The following IFNAR2 variants were observed in gnomAD, a reference collection of about 807,000 sequenced individuals.
The protein encoded by IFNAR2 is interferon alpha/beta receptor 2.
Under a neutral mutation model 49.4 loss-of-function variants are expected in IFNAR2, and 30 were observed. The ratio of observed to expected loss-of-function variants is 0.61; its 90% CI spans 0.45 to 0.82. The LOEUF (loss-of-function observed/expected upper bound fraction) is 0.82. Among genes scored for constraint, IFNAR2 ranks in the 40% least tolerant of loss-of-function variants. The probability of loss-of-function intolerance (pLI) is 0.00; values close to 1 mark genes in which losing one functional copy is unlikely to be tolerated. For missense variants in IFNAR2, 600 were observed against 622.7 expected, an observed-to-expected ratio of 0.96 and a Z score of 0.39; for synonymous variants, 224 against 234.5, an observed-to-expected ratio of 0.96 and a Z score of 0.41.
chr21:33,246,690 T>G, intron 4 of IFNAR2, 28 bp from the exon 5 acceptor site: 5 of 1,593,946 alleles, frequency 3.1e-6, no homozygotes, highest in Non-Finnish European at 4.3e-6. Context: ...GCTAACAATT[T>G]CCTTTTTCCA....
In IFNAR2 at chr21:33,230,052, A is replaced by G; in HGVS notation, c.-248A>G. ...ACAGTTCCCCGAGCGCAGCCCGCGG[A>G]CCACCACCCGGCCGCACGGGCCGCT... On this transcript the variant is annotated 5_prime_UTR_variant, in exon 1 of 9. Transcript: ENST00000342136. The surrounding 1 kb of genome is among the most constrained non-coding windows in gnomAD (Gnocchi z 5.5). 1.0e-6 allele frequency: 1 copy of G among 985,786 alleles called. No homozygotes were observed. The highest frequency in any genetic ancestry group is 1.2e-6 in the Non-Finnish European group (1 of 830,100). 61.1% of individuals were successfully genotyped at this position (985,786 alleles called of 1,614,324 possible).
rs111661577 is a variant in IFNAR2 at position 33,231,167 on chromosome 21, C to G, written c.-84+951C>G. Among the ~76,000 whole-genome samples, 494 of 152,224 alleles carry G rather than the reference C, an allele frequency of 3.2e-3. 2 individuals are homozygous for G. Among genetic ancestry groups the G allele is most frequent in the African/African-American group, 0.011 (465 of 41,530 alleles). ...CCCAGGGGCTAAGTCCCACTGCTTG[C>G]CAAGGTTTCTCAGTATCCTGTCCAC... On this transcript the variant is annotated intron_variant, in intron 1 of 8. Coordinates refer to ENST00000342136, the MANE Select transcript of IFNAR2 (RefSeq NM_001289125.3).
intron 7 of IFNAR2, among the ~76,000 whole-genome samples, chr21:33,257,843 A>T (rs1988314273): frequency 6.6e-6 from 1 of 152,194 alleles, no homozygotes; most frequent in Non-Finnish European, 1.5e-5. Flanking sequence ...CACCCACAGC[A>T]TCCACCACAG....
chr21:33,244,929 C>G, intron 3 of IFNAR2, 22 bp from the exon 4 acceptor site: 3 of 1,612,416 alleles, frequency 1.9e-6, no homozygotes, highest in Non-Finnish European at 1.7e-6. Flanking sequence ...AATTTCAATG[C>G]CCTTTTTCTT....
At chr21:33,248,649 C>T (rs1295810246) in intron 5 of IFNAR2, 60 bp from the exon 6 acceptor site, 21 of 1,501,222 alleles carry the variant, frequency 1.4e-5, no homozygotes, top group Non-Finnish European at 1.8e-5. Flanking sequence ...CCACTTTAGA[C>T]TTTGTGGGCC....
Position 33,263,374 on chromosome 21 carries a change from G to T in IFNAR2, c.1422G>T (p.Gly474=), listed in dbSNP as rs377350494. 2.2e-4 allele frequency: 351 copies of T among 1,614,050 alleles called. No individual in the cohort carries two copies. The highest frequency in any genetic ancestry group is 2.9e-4 in the Non-Finnish European group (338 of 1,180,032). ...NVQSNHLLAS[G]EGTQPTFPSP... ...AATCAAACCATTTGCTGGCCAGCGG[G>T]GAAGGGACACAGCCAACCTTTCCCA... The change falls in exon 9 of 9, where the codon GGG becomes GGT. Residue 474 remains glycine, a synonymous_variant. Transcript: ENST00000342136.
chr21:33,243,706 A>G lies in IFNAR2; in HGVS notation c.89A>G (p.Asp30Gly). 6.2e-7 allele frequency: 1 copy of G among 1,612,718 alleles called. No homozygotes were observed. Among genetic ancestry groups the G allele is most frequent in the Non-Finnish European group, 8.5e-7 (1 of 1,178,758 alleles). ...YISLVFGISYDSPDYTDESCT... is the reference protein window; with the variant it reads ...YISLVFGISYGSPDYTDESCT... ...AGCCTCGTGTTTGGTATTTCATATGATTCGCCTGGTAAGAGATGTTTTTTG... is the reference window on the plus strand; with the variant it reads ...AGCCTCGTGTTTGGTATTTCATATGGTTCGCCTGGTAAGAGATGTTTTTTG... The change falls in exon 3 of 9, where the codon GAT becomes GGT. Residue 30 changes from aspartate to glycine, a missense_variant. Transcript: ENST00000342136.
chr21:33,260,099 A>G (rs1988463204), intron 7 of IFNAR2, among the ~76,000 whole-genome samples: 1 of 152,180 alleles, frequency 6.6e-6, no homozygotes, highest in South Asian at 2.1e-4. Flanking sequence ...GGGAACTGTT[A>G]ATAGAGCAAG....
Position 33,263,051 on chromosome 21 carries a change from G to A in IFNAR2, c.1099G>A (p.Glu367Lys). ...GTTGATAGACCCGGAGTCCGAGGAG[G>A]AGCCTGACCTGCCTGAGGTTGATGT... is the stretch of plus-strand genomic sequence containing the variant. Reference protein sequence around the residue: ...SQLIDPESEEEPDLPEVDVEL... With the variant: ...SQLIDPESEEKPDLPEVDVEL... Residue 367 changes from glutamate (E) to lysine (K), a missense_variant, in exon 9 of 9, where the codon GAG becomes AAG. Transcript: ENST00000342136. 6.2e-7 allele frequency: 1 copy of A among 1,614,154 alleles called. No individual in the cohort carries two copies.
intron 4 of IFNAR2, among the ~76,000 whole-genome samples, chr21:33,246,480 A>G (rs1042420344): frequency 6.6e-6 from 1 of 152,188 alleles, no homozygotes; most frequent in African/African-American, 2.4e-5. Context: ...TCAGTAAACA[A>G]AGGTATAATG....
chr21:33,242,665 G>A (rs1212011382), intron 2 of IFNAR2, among the ~76,000 whole-genome samples: 21 of 139,546 alleles, frequency 1.5e-4, no homozygotes, highest in Admixed American at 9.8e-4. Context: ...CCTGGGAGGC[G>A]GAGCTTGCAG....
intron 1 of IFNAR2, among the ~76,000 whole-genome samples, chr21:33,240,245 T>C (rs1371152662): frequency 6.6e-6 from 1 of 152,254 alleles, no homozygotes; most frequent in East Asian, 1.9e-4. Flanking sequence ...ATTTCTACTG[T>C]ACCTTTTCTG....
At chr21:33,250,125 A>G (rs1987736778) in intron 6 of IFNAR2, among the ~76,000 whole-genome samples, 1 of 152,210 alleles carries the variant, frequency 6.6e-6, no homozygotes, top group Non-Finnish European at 1.5e-5. Context: ...GTAACAAATT[A>G]TATGATTATT....
intron 1 of IFNAR2, among the ~76,000 whole-genome samples, chr21:33,237,937 T>G (rs1283787743): frequency 1.3e-5 from 2 of 152,146 alleles, no homozygotes; most frequent in Non-Finnish European, 2.9e-5. Context: ...ATAAAGCAGA[T>G]AAGCCATAGG....
Position 33,229,968 on chromosome 21 carries a change from C to T in IFNAR2, c.-332C>T, listed in dbSNP as rs539295159. On this transcript the variant is annotated 5_prime_UTR_variant, in exon 1 of 9. Transcript: ENST00000342136. ...GCTCCTCGTAGGCCGGGGCTCGGCG[C>T]GCGCACCCGCACTAAAGACGCTTCT... is the stretch of plus-strand genomic sequence containing the variant. 6.1e-6 allele frequency: 6 copies of T among 984,214 alleles called. No individual in the cohort carries two copies. The South Asian group carries it at 2.3e-4, about 38-fold the overall frequency. 61.0% of individuals were successfully genotyped at this position (984,214 alleles called of 1,614,324 possible).
chr21:33,230,558 G>A lies in IFNAR2; in HGVS notation c.-84+342G>A, dbSNP rs966896658. The A allele has an allele frequency of 4.2e-6, 2 of 470,992 alleles. No homozygotes were observed. The allele number at this position is 470,992 out of a possible 1,614,324, so 29.2% of individuals were successfully genotyped here. A position where few individuals can be genotyped will look rare whatever the true frequency, so the allele number is the denominator to read the frequency against. On this transcript the variant is annotated intron_variant, in intron 1 of 8. Transcript: ENST00000342136. The surrounding 1 kb of genome is among the most constrained non-coding windows in gnomAD (Gnocchi z 5.5). ...TACCGGGCATTTGCCACTGCAAGAT[G>A]TGAGTCGTTGCTAAGTTTGAGGGTC...
In IFNAR2 at chr21:33,260,650, TTGG is replaced by T; in HGVS notation, c.765_767del (p.Leu255_Val256delinsPhe). On this transcript the variant is annotated inframe_deletion, in exon 8 of 9. Transcript: ENST00000342136. ...AATAATTACTGTGTTTTTGATAGCA[TTGG>T]TCTTGACAAGCACCATAGTGACACT... 1 of 1,603,172 alleles carries T rather than the reference TTGG, an allele frequency of 6.2e-7. No homozygotes were observed. The highest frequency in any genetic ancestry group is 2.3e-5 in the East Asian group (1 of 44,314).
At chr21:33,249,850 C>T (rs981220742) in intron 6 of IFNAR2, among the ~76,000 whole-genome samples, 2 of 152,074 alleles carry the variant, frequency 1.3e-5, no homozygotes, top group African/African-American at 2.4e-5. Context: ...GGAGTGGGCC[C>T]GGTGTATTTC....
intron 1 of IFNAR2, among the ~76,000 whole-genome samples, chr21:33,231,254 A>G (rs991562469): frequency 4.6e-5 from 7 of 152,142 alleles, no homozygotes; most frequent in African/African-American, 1.7e-4. Context: ...CTCTATCAAA[A>G]TCTACCCTAA....
Sources: gnomAD v4.1 joint callset for allele counts (sites outside exome capture counted in the v4.1 genomes callset) on GRCh38, gnomAD v4.1.1 for gene constraint, Gnocchi (gnomAD v3.1) non-coding constraint, MANE v1.5 for transcripts, NCBI Gene and HGNC (gene_info 2026-07-23, HGNC 2026-07-21) for gene names.